The following TACC2 variants were observed in gnomAD, a reference collection of about 807,000 sequenced individuals.
TACC2 encodes the protein transforming acidic coiled-coil-containing protein 2.
Under a neutral mutation model 227.3 loss-of-function variants are expected in TACC2, and 137 were observed. The observed-to-expected ratio is 0.60, with a 90% confidence interval of 0.52 to 0.69. The LOEUF is 0.69. TACC2 is among the 30% of genes least tolerant of loss of function. The pLI, the probability that TACC2 is intolerant of heterozygous loss-of-function variation, is 0.00. For synonymous variants in TACC2, 1,523 were observed against 1,487.5 expected (o/e 1.02, Z -0.55); for missense variants, 3,470 against 3,694.4 (o/e 0.94, Z 1.57).
At chr10:122,134,529 A>G (rs979790268) in intron 6 of TACC2, among the ~76,000 whole-genome samples, 1 of 152,062 alleles carries the variant, frequency 6.6e-6, no homozygotes. Flanking sequence ...TTAAAGGAAA[A>G]ACCCTAGCTG....
At chr10:122,195,215 A>G (rs760219982) in intron 8 of TACC2, 39 bp downstream of exon 8, 3 of 1,554,680 alleles carry the variant, frequency 1.9e-6, no homozygotes, top group Non-Finnish European at 2.6e-6. Context: ...AGCCCTGTAG[A>G]GTTGTGAGCC....
At chr10:122,010,392 C>T (rs1016251559) in intron 1 of TACC2, among the ~76,000 whole-genome samples, 4 of 152,128 alleles carry the variant, frequency 2.6e-5, no homozygotes, top group South Asian at 2.1e-4. Flanking sequence ...CAGAGAGGGA[C>T]GGTATGGAAA....
intron 6 of TACC2, among the ~76,000 whole-genome samples, chr10:122,143,221 G>A (rs964509000): frequency 6.6e-5 from 10 of 152,118 alleles, no homozygotes; most frequent in Admixed American, 1.3e-4. Context: ...TATCACAAAC[G>A]AATAGAAATC....
intron 5 of TACC2, among the ~76,000 whole-genome samples, chr10:122,115,807 C>T (rs11200405): frequency 0.063 from 9,508 of 151,776 alleles, 367 homozygotes; most frequent in African/African-American, 0.12. Context: ...AAAAGCGAAG[C>T]GTTCTTGGAT....
At chr10:122,111,745 C>CG (rs1482897817) in intron 5 of TACC2, among the ~76,000 whole-genome samples, 1 of 151,992 alleles carries the variant, frequency 6.6e-6, no homozygotes, top group Non-Finnish European at 1.5e-5. Context: ...CTGTCCACCT[C>CG]GGCCTCCCAA....
At chr10:122,067,310 G>T (rs895839896) in intron 3 of TACC2, among the ~76,000 whole-genome samples, 2 of 152,090 alleles carry the variant, frequency 1.3e-5, no homozygotes, top group East Asian at 3.8e-4. Flanking sequence ...TCTGGGCAAA[G>T]ATTTCTAGGT....
chr10:121,995,663 C>G (rs1426580913), intron 1 of TACC2, among the ~76,000 whole-genome samples: 1 of 152,192 alleles, frequency 6.6e-6, no homozygotes, highest in East Asian at 1.9e-4. Context: ...GCGTCTGCTG[C>G]CGTCTCAGGA....
intron 2 of TACC2, among the ~76,000 whole-genome samples, chr10:122,034,532 AG>A (rs1466292961): frequency 6.6e-6 from 1 of 152,188 alleles, no homozygotes; most frequent in African/African-American, 2.4e-5. Flanking sequence ...GGATCAGCCC[AG>A]AAAAAGAGGA....
chr10:122,098,631 T>G (rs563394476), intron 5 of TACC2, among the ~76,000 whole-genome samples: 4 of 152,338 alleles, frequency 2.6e-5, no homozygotes, highest in African/African-American at 7.2e-5. Flanking sequence ...CTTAGCAAAG[T>G]GCCCACCTGG....
At chr10:122,225,629 C>T (rs2095612286) in intron 12 of TACC2, among the ~76,000 whole-genome samples, 1 of 152,206 alleles carries the variant, frequency 6.6e-6, no homozygotes, top group South Asian at 2.1e-4. Context: ...CATTTTACCG[C>T]TGAAGGGGAA....
rs1335590510 is a variant in TACC2 at position 122,074,069 on chromosome 10, A to T, written c.147-8578A>T. On this transcript the variant is annotated intron_variant, in intron 3 of 22. Coordinates refer to ENST00000369005, the MANE Select transcript of TACC2 (RefSeq NM_206862.4). ...TGCTGGGATTACAGGCGTAAGTCAC[A>T]GCACCCGGCATCTTTTTTTTTTTTT... 9.3e-5 allele frequency among the ~76,000 whole-genome samples: 13 copies of T among 140,270 alleles called. No homozygotes were observed. In the Admixed American group the frequency reaches 9.9e-4, roughly 11 times the overall value. The allele number at this position is 140,270 out of a possible 152,430, so 92.0% of individuals were successfully genotyped here.
intron 3 of TACC2, chr10:122,052,412 AT>A (rs2075793172): frequency 2.6e-5 from 4 of 152,098 alleles, no homozygotes; most frequent in African/African-American, 9.7e-5. Context: ...CAAATTGAGC[AT>A]AAAAGAGGTG....
rs1221378136 is a variant in TACC2, at chr10:122,044,848, G to A, written c.34-5590G>A. 5.9e-5 allele frequency among the ~76,000 whole-genome samples: 9 copies of A among 152,204 alleles called. No homozygotes were observed. The South Asian group carries it at 6.2e-4, about 11-fold the overall frequency. On this transcript the variant is annotated intron_variant, in intron 2 of 22. Transcript: ENST00000369005. ...GTTTGTTTACTCAAGCAATGGCAGC[G>A]AGGGAAAGATTTGAAGAAGCAACTG...
chr10:122,025,149 TG>T (rs1448684566), intron 2 of TACC2, among the ~76,000 whole-genome samples: 1 of 152,254 alleles, frequency 6.6e-6, no homozygotes, highest in African/African-American at 2.4e-5. Flanking sequence ...TACATTTTGA[TG>T]ATGGATAAAG....
chr10:122,190,443 G>A (rs1268355022), intron 7 of TACC2, among the ~76,000 whole-genome samples: 2 of 152,148 alleles, frequency 1.3e-5, no homozygotes, highest in Non-Finnish European at 2.9e-5. Context: ...ACGTTTTTAA[G>A]CCGAACTAGT....
At chr10:122,057,235 A>G (rs991227243) in intron 3 of TACC2, among the ~76,000 whole-genome samples, 6 of 152,156 alleles carry the variant, frequency 3.9e-5, no homozygotes, top group African/African-American at 1.4e-4. Flanking sequence ...GGGCTTATGC[A>G]TGCCAGGAAA....
chr10:122,099,070 T>A (rs2081835711), intron 5 of TACC2, among the ~76,000 whole-genome samples: 1 of 152,132 alleles, frequency 6.6e-6, no homozygotes, highest in Non-Finnish European at 1.5e-5. Flanking sequence ...GCTGAGCACA[T>A]CTCATGGGAC....
At chr10:122,060,776 G>C (rs992645364) in intron 3 of TACC2, among the ~76,000 whole-genome samples, 3 of 152,140 alleles carry the variant, frequency 2.0e-5, no homozygotes, top group Non-Finnish European at 2.9e-5. Context: ...AGGCCAAGGT[G>C]GGCGGATCAC....
chr10:121,999,078 G>A (rs192763531), intron 1 of TACC2, among the ~76,000 whole-genome samples: 88 of 150,486 alleles, frequency 5.8e-4, no homozygotes, highest in African/African-American at 1.8e-3. Flanking sequence ...GCATGATCTC[G>A]GCTCACTGCA....
Sources: allele counts gnomAD v4.1 joint callset (sites outside exome capture counted in the v4.1 genomes callset), GRCh38; gene constraint gnomAD v4.1.1; transcripts MANE v1.5; gene names NCBI Gene and HGNC (gene_info 2026-07-23, HGNC 2026-07-21).